Variants in RNF220 observed in about 807,000 individuals in gnomAD.
RNF220 encodes E3 ubiquitin-protein ligase RNF220.
Under a neutral mutation model 67.1 loss-of-function variants are expected in RNF220, and 7 were observed. The ratio of observed to expected loss-of-function variants is 0.10; its 90% CI spans 0.06 to 0.20. RNF220 has a LOEUF of 0.20. Ranked by LOEUF, RNF220 falls within the 10% of genes least tolerant of loss-of-function variation. The probability of loss-of-function intolerance (pLI) is 1.00; values close to 1 mark genes in which losing one functional copy is unlikely to be tolerated. For missense variants in RNF220, 565 were observed against 740.3 expected (o/e 0.76, Z 2.75); for synonymous variants, 270 against 283.2 (o/e 0.95, Z 0.47).
At chr1:44,636,349 T>C in intron 8 of RNF220, 187 bp downstream of exon 8, 1 of 783,988 alleles carries the variant, frequency 1.3e-6, no homozygotes, top group Non-Finnish European at 2.2e-6. Context: ...TTAAAATGGA[T>C]GTATTTGGGT....
intron 2 of RNF220, among the ~76,000 whole-genome samples, chr1:44,432,788 G>C (rs1650531459): frequency 6.6e-6 from 1 of 151,510 alleles, no homozygotes; most frequent in Non-Finnish European, 1.5e-5. Flanking sequence ...TTTAAACAAT[G>C]TCACTTGGAA....
chr1:44,464,224 C>A (rs923075168), intron 2 of RNF220, among the ~76,000 whole-genome samples: 19 of 152,160 alleles, frequency 1.2e-4, no homozygotes, highest in Admixed American at 9.2e-4. Context: ...TTGTATAGAT[C>A]ACCTGAGATT....
chr1:44,557,401 G>A (rs1663196790), intron 2 of RNF220, among the ~76,000 whole-genome samples: 1 of 149,176 alleles, frequency 6.7e-6, no homozygotes, highest in Non-Finnish European at 1.5e-5. Flanking sequence ...GAAAGAAAGA[G>A]AGAGAGGAAG....
rs568138825 is a variant in RNF220, at chr1:44,504,175, A to T, written c.625+91453A>T. 4.6e-5 allele frequency among the ~76,000 whole-genome samples: 7 copies of T among 152,240 alleles called. No individual in the cohort carries two copies. In the East Asian group the frequency reaches 1.2e-3, roughly 25 times the overall value. The stretch of plus-strand genomic sequence containing the variant: ...CATCCGTGTTTTAACAGGCTCTCAG[A>T]TCATTCTGATGCTCCGTAAAGTTCT... On this transcript the variant is annotated intron_variant, in intron 2 of 14. Transcript: ENST00000361799.
intron 2 of RNF220, among the ~76,000 whole-genome samples, chr1:44,474,079 A>T (rs939791882): frequency 6.6e-6 from 1 of 152,098 alleles, no homozygotes; most frequent in African/African-American, 2.4e-5. Flanking sequence ...AAAAATAAAA[A>T]AATAATAATA....
chr1:44,632,420 C>G (rs1489836656), intron 6 of RNF220, 35 bp downstream of exon 6: 30 of 1,564,890 alleles, frequency 1.9e-5, no homozygotes, highest in Admixed American at 3.7e-5. Context: ...CCGCCCCACC[C>G]CCGGCCTCCT....
chr1:44,480,627 G>A (rs1655713452), intron 2 of RNF220, among the ~76,000 whole-genome samples: 1 of 152,038 alleles, frequency 6.6e-6, no homozygotes, highest in Non-Finnish European at 1.5e-5. Context: ...ATGGGCCGGG[G>A]GCAGTGGCTC....
intron 3 of RNF220, among the ~76,000 whole-genome samples, chr1:44,617,501 G>A (rs1342548823): frequency 1.3e-5 from 2 of 152,272 alleles, no homozygotes; most frequent in Admixed American, 1.3e-4. Flanking sequence ...AATTGGGTGC[G>A]TGATAAATTC....
At chr1:44,637,434 C>T (rs1644361431) in intron 8 of RNF220, among the ~76,000 whole-genome samples, 3 of 152,248 alleles carry the variant, frequency 2.0e-5, no homozygotes, top group Admixed American at 1.3e-4. Context: ...AGCAGCAGGG[C>T]TGACGACTGT....
intron 2 of RNF220, among the ~76,000 whole-genome samples, chr1:44,545,841 C>T (rs1238216908): frequency 6.6e-6 from 1 of 151,596 alleles, no homozygotes; most frequent in Non-Finnish European, 1.5e-5. Context: ...ACTGCAACCT[C>T]CACCTCCTGG....
chr1:44,488,194 G>A (rs1416521507), intron 2 of RNF220, among the ~76,000 whole-genome samples: 7 of 148,408 alleles, frequency 4.7e-5, no homozygotes, highest in Non-Finnish European at 1.0e-4. Flanking sequence ...GGAGTTCAGT[G>A]GCACGATCTC....
Position 44,606,614 on chromosome 1 carries a change from C to A in RNF220, c.626-7551C>A, listed in dbSNP as rs1320822084. 2.6e-5 allele frequency among the ~76,000 whole-genome samples: 4 copies of A among 152,206 alleles called. No homozygotes were observed. The highest frequency in any genetic ancestry group is 5.9e-5 in the Non-Finnish European group (4 of 68,034). On this transcript the variant is annotated intron_variant, in intron 2 of 14. Coordinates refer to ENST00000361799, the MANE Select transcript of RNF220 (RefSeq NM_018150.4). The surrounding 1 kb of genome is among the most constrained non-coding windows in gnomAD (Gnocchi z 4.2). Reference sequence around the variant, plus strand: ...AATGACATCACACTTTCCTTGTTTTCATTCTACCTCTTGGCTGTTCCTTCT... The same window carrying A: ...AATGACATCACACTTTCCTTGTTTTAATTCTACCTCTTGGCTGTTCCTTCT...
At chr1:44,516,911 C>A (rs925634720) in intron 2 of RNF220, among the ~76,000 whole-genome samples, 1 of 152,050 alleles carries the variant, frequency 6.6e-6, no homozygotes, top group Admixed American at 6.6e-5. Context: ...GACACTCTGC[C>A]CTCACCAGTC....
At chr1:44,601,348 C>G (rs953672352) in intron 2 of RNF220, among the ~76,000 whole-genome samples, 3 of 151,972 alleles carry the variant, frequency 2.0e-5, no homozygotes, top group African/African-American at 7.3e-5. Flanking sequence ...GAAGAAAAGG[C>G]CATTAGTAAA....
intron 3 of RNF220, among the ~76,000 whole-genome samples, chr1:44,615,537 A>G (rs751646429): frequency 3.9e-5 from 6 of 151,996 alleles, no homozygotes; most frequent in Admixed American, 2.0e-4. Context: ...CCTTCCTTCT[A>G]CCTTCTTACC....
chr1:44,543,099 C>G (rs1572829699), intron 2 of RNF220, among the ~76,000 whole-genome samples: 1 of 151,916 alleles, frequency 6.6e-6, no homozygotes, highest in Non-Finnish European at 1.5e-5. Flanking sequence ...TTTGGTTGAT[C>G]CCTCCCTCCC....
intron 2 of RNF220, among the ~76,000 whole-genome samples, chr1:44,518,419 A>G (rs1659632332): frequency 6.6e-6 from 1 of 152,112 alleles, no homozygotes; most frequent in Non-Finnish European, 1.5e-5. Flanking sequence ...ACAGAGTGAG[A>G]TCCTGTCTCT....
intron 2 of RNF220, among the ~76,000 whole-genome samples, chr1:44,608,078 C>A (rs910532544): frequency 2.0e-5 from 3 of 152,148 alleles, no homozygotes; most frequent in African/African-American, 7.2e-5. Flanking sequence ...CACATGCCAC[C>A]ACAGCTGGCT....
chr1:44,589,869 G>A (rs1665990812), intron 2 of RNF220, among the ~76,000 whole-genome samples: 1 of 152,132 alleles, frequency 6.6e-6, no homozygotes, highest in Admixed American at 6.6e-5. Context: ...TTGACTCAAG[G>A]TGCTCGTGGT....
Sources: allele counts gnomAD v4.1 joint callset (sites outside exome capture counted in the v4.1 genomes callset), GRCh38; gene constraint gnomAD v4.1.1; non-coding constraint Gnocchi (gnomAD v3.1); transcripts MANE v1.5; gene names NCBI Gene and HGNC (gene_info 2026-07-23, HGNC 2026-07-21).